The following ARHGAP26 variants were observed in gnomAD, a reference collection of about 807,000 sequenced individuals.
ARHGAP26 encodes rho GTPase-activating protein 26.
ARHGAP26 carries 38 observed loss-of-function variants against 104.8 expected under a neutral mutation model. That is an observed-to-expected ratio of 0.36 (90% CI 0.28 to 0.48). ARHGAP26 has a LOEUF of 0.48. ARHGAP26 is among the 20% of genes least tolerant of loss of function. ARHGAP26 has a pLI of 0.99. For missense variants in ARHGAP26, 704 were observed against 947.9 expected (o/e 0.74, Z 3.38); for synonymous variants, 341 against 340.0 (o/e 1.00, Z -0.03).
At chr5:142,822,650 G>A (rs1313754189) in intron 1 of ARHGAP26, among the ~76,000 whole-genome samples, 2 of 152,012 alleles carry the variant, frequency 1.3e-5, no homozygotes, top group African/African-American at 4.8e-5. Context: ...CCATGTGTGT[G>A]TATGCACACA....
intron 15 of ARHGAP26, 108 bp from the exon 16 acceptor site, chr5:143,055,920 T>G (rs145795756): frequency 3.0e-5 from 22 of 731,570 alleles, no homozygotes; most frequent in Non-Finnish European, 5.0e-5. Context: ...CCCTGTGATC[T>G]TTGTCTTCGA....
At chr5:143,165,180 T>C (rs258784) in intron 20 of ARHGAP26, 56,416 of 152,150 alleles carry the variant, frequency 0.37, 10,836 homozygotes, top group East Asian at 0.48. Flanking sequence ...CCTGGTTGCA[T>C]GCTGAAGCTG....
intron 6 of ARHGAP26, 144 bp downstream of exon 6, chr5:142,894,492 C>T (rs1420558097): frequency 1.7e-5 from 12 of 716,100 alleles, no homozygotes; most frequent in East Asian, 5.5e-5. Flanking sequence ...CAGTGCTTTG[C>T]GAGCCTGGCT....
At chr5:143,062,252 AAG>A (rs1371388992) in intron 17 of ARHGAP26, among the ~76,000 whole-genome samples, 1 of 152,234 alleles carries the variant, frequency 6.6e-6, no homozygotes, top group Non-Finnish European at 1.5e-5. Context: ...GGTGGGAGGT[AAG>A]AGAGGGTAAT....
At chr5:143,182,860 A>G (rs892912399) in intron 20 of ARHGAP26, among the ~76,000 whole-genome samples, 5 of 152,106 alleles carry the variant, frequency 3.3e-5, no homozygotes, top group Non-Finnish European at 7.4e-5. Flanking sequence ...AAGAAAATTA[A>G]TTTTTAGGGT....
intron 11 of ARHGAP26, among the ~76,000 whole-genome samples, chr5:142,936,858 C>T (rs1369032250): frequency 6.7e-6 from 1 of 149,506 alleles, no homozygotes; most frequent in African/African-American, 2.5e-5. Flanking sequence ...AACCTCATAT[C>T]TTATACAAAA....
At chr5:142,956,157 A>G (rs1769201528) in intron 11 of ARHGAP26, among the ~76,000 whole-genome samples, 1 of 152,210 alleles carries the variant, frequency 6.6e-6, no homozygotes, top group Admixed American at 6.5e-5. Context: ...TTAATCAAAA[A>G]TATTAACTGA....
chr5:142,985,375 A>G (rs1474429643), intron 11 of ARHGAP26, among the ~76,000 whole-genome samples: 1 of 152,188 alleles, frequency 6.6e-6, no homozygotes, highest in African/African-American at 2.4e-5. Context: ...AGTGTTTATA[A>G]AGTCTACAGT....
intron 1 of ARHGAP26, among the ~76,000 whole-genome samples, chr5:142,776,286 A>C (rs546013125): frequency 2.0e-5 from 3 of 152,160 alleles, no homozygotes; most frequent in African/African-American, 7.2e-5. Flanking sequence ...CACTTTTCTT[A>C]AGTGTATAAT....
intron 1 of ARHGAP26, among the ~76,000 whole-genome samples, chr5:142,863,059 G>A (rs60030682): frequency 2.4e-4 from 37 of 151,574 alleles, no homozygotes; most frequent in African/African-American, 8.7e-4. Flanking sequence ...CTTTGGGAGG[G>A]ATCTTAGAGC....
At chr5:143,221,503 A>G (rs1811127941) in intron 22 of ARHGAP26, among the ~76,000 whole-genome samples, 1 of 151,450 alleles carries the variant, frequency 6.6e-6, no homozygotes, top group South Asian at 2.1e-4. Context: ...GGAAAGTAAG[A>G]TGATGACAAG....
intron 11 of ARHGAP26, among the ~76,000 whole-genome samples, chr5:142,958,393 A>G (rs956899433): frequency 6.6e-6 from 1 of 152,236 alleles, no homozygotes; most frequent in Non-Finnish European, 1.5e-5. Flanking sequence ...CTGGCCAGGC[A>G]TAGTGGCTCA....
At chr5:143,097,543 G>A (rs1267542628) in intron 17 of ARHGAP26, among the ~76,000 whole-genome samples, 2 of 151,626 alleles carry the variant, frequency 1.3e-5, no homozygotes, top group East Asian at 1.9e-4. Flanking sequence ...TGCAATGGCC[G>A]GGCGCGGTGG....
At chr5:142,963,684 C>G (rs1484159480) in intron 11 of ARHGAP26, among the ~76,000 whole-genome samples, 2 of 152,180 alleles carry the variant, frequency 1.3e-5, no homozygotes, top group Non-Finnish European at 2.9e-5. Context: ...CCTGATTACT[C>G]TTCTTTATAA....
At chr5:143,168,899 G>A (rs1470721492) in intron 20 of ARHGAP26, 1 of 152,148 alleles carries the variant, frequency 6.6e-6, no homozygotes. Flanking sequence ...CACTTACTAT[G>A]CTAAACCTGC....
rs778542742 is a variant in ARHGAP26 at position 143,134,059 on chromosome 5, C to A, written c.1791C>A (p.Ser597Arg). The part of the protein sequence containing the change: ...KSSDSKPPSC[S>R]ERPLTLFHTV... ...GTGACTCCAAGCCCCCGTCCTGCAG[C>A]GAGAGGCCCCTGACGCTCTTCCACA... Residue 597 changes from serine (S) to arginine (R), a missense_variant, in exon 19 of 23, where the codon AGC (serine) becomes AGA (arginine). By Grantham distance (110) the Ser-to-Arg change is moderately radical. Around this residue, in one of 6 missense-constraint regions of ARHGAP26, gnomAD observed 217 missense variants for 242.6 expected, o/e 0.89. Transcript: ENST00000645722. 4.3e-6 allele frequency: 7 copies of A among 1,612,790 alleles called. No homozygotes were observed. Among genetic ancestry groups the A allele is most frequent in the Non-Finnish European group, 5.9e-6 (7 of 1,179,294 alleles).
intron 15 of ARHGAP26, among the ~76,000 whole-genome samples, chr5:143,054,796 T>C (rs961028378): frequency 1.3e-5 from 2 of 152,212 alleles, no homozygotes; most frequent in African/African-American, 2.4e-5. Context: ...GAACAGAACC[T>C]AAAATGGGGT....
At chr5:143,095,204 A>AT (rs1330431825) in intron 17 of ARHGAP26, among the ~76,000 whole-genome samples, 1 of 151,340 alleles carries the variant, frequency 6.6e-6, no homozygotes, top group Non-Finnish European at 1.5e-5. Flanking sequence ...GTCACATACA[A>AT]TTTTTTTATT....
intron 2 of ARHGAP26, 45 bp downstream of exon 2, chr5:142,873,540 A>G: frequency 1.5e-5 from 20 of 1,364,176 alleles, no homozygotes; most frequent in Admixed American, 2.5e-5. Context: ...ATTGTTTGTC[A>G]TAGCCTTCAG....
Sources: allele counts gnomAD v4.1 joint callset (sites outside exome capture counted in the v4.1 genomes callset), GRCh38; gene constraint gnomAD v4.1.1; regional missense constraint gnomAD v4.1.1; transcripts MANE v1.5; gene names NCBI Gene and HGNC (gene_info 2026-07-23, HGNC 2026-07-21).